KCNQ3: variants seen among roughly 807,000 people sequenced by gnomAD.
KCNQ3 encodes potassium voltage-gated channel subfamily KQT member 3.
A neutral mutation model predicts 92.5 loss-of-function variants in KCNQ3; 30 were observed. The observed-to-expected ratio is 0.32, with a 90% confidence interval of 0.24 to 0.44. KCNQ3 has a LOEUF of 0.44. Among genes scored for constraint, KCNQ3 ranks in the 20% least tolerant of loss-of-function variants. The pLI is 1.00. For missense variants in KCNQ3, 913 were observed against 1,140.3 expected (o/e 0.80, Z 2.87); for synonymous variants, 450 against 468.8 (o/e 0.96, Z 0.52).
intron 1 of KCNQ3, among the ~76,000 whole-genome samples, chr8:132,331,898 C>T (rs1818242433): frequency 6.6e-6 from 1 of 152,148 alleles, no homozygotes; most frequent in South Asian, 2.1e-4. Flanking sequence ...AGATCTGAGT[C>T]ATCAGGGCAT....
chr8:132,141,001 G>C (rs1169461180), intron 10 of KCNQ3, 128 bp downstream of exon 10: 1 of 848,560 alleles, frequency 1.2e-6, no homozygotes, highest in Non-Finnish European at 2.0e-6. Context: ...TTGGCTTGTC[G>C]AGGGAAGGGA....
chr8:132,362,708 G>A (rs181463061), intron 1 of KCNQ3, among the ~76,000 whole-genome samples: 23 of 152,276 alleles, frequency 1.5e-4, no homozygotes, highest in African/African-American at 5.3e-4. Context: ...AGGCAAACAG[G>A]GGGAAGCATG....
intron 12 of KCNQ3, 113 bp from the exon 13 acceptor site, chr8:132,134,501 AGAGGAGAGGAGAGGAGAAGT>A (rs1375781894): frequency 1.4e-6 from 1 of 724,170 alleles, no homozygotes. Context: ...ATATAAGAGG[AGAGGAGAGGAGAGGAGAAGT>A]GAGGAGAGGA....
chr8:132,304,400 C>T (rs1817352885), intron 1 of KCNQ3, among the ~76,000 whole-genome samples: 1 of 152,134 alleles, frequency 6.6e-6, no homozygotes, highest in Admixed American at 6.5e-5. Context: ...GTTCTGGCTC[C>T]ACCAATAATA....
chr8:132,182,227 T>C (rs952862747), intron 3 of KCNQ3, among the ~76,000 whole-genome samples: 1 of 152,184 alleles, frequency 6.6e-6, no homozygotes, highest in Non-Finnish European at 1.5e-5. Flanking sequence ...AACCTATCTA[T>C]CTGTAATGCT....
At position 132,124,118 on chromosome 8, in the gene KCNQ3, A is replaced by G. The variant is rs1428067897; in HGVS notation, c.*5144T>C. 1 of 152,184 alleles carries G rather than the reference A, an allele frequency of 6.6e-6. No individual in the cohort carries two copies. The highest frequency in any genetic ancestry group is 2.4e-5 in the African/African-American group (1 of 41,434). The allele number at this position is 152,184 out of a possible 1,614,324, so 9.4% of individuals were successfully genotyped here. ...CACAACTCAGCCACTGAGATCCAAC[A>G]TTCCTGCCTCTCTTCATTCCAAGAT... On this transcript the variant is annotated 3_prime_UTR_variant, in exon 15 of 15. Coordinates refer to ENST00000388996, the MANE Select transcript of KCNQ3 (RefSeq NM_004519.4).
chr8:132,153,750 CA>C (rs1825707758), intron 9 of KCNQ3, among the ~76,000 whole-genome samples: 1 of 151,618 alleles, frequency 6.6e-6, no homozygotes, highest in Non-Finnish European at 1.5e-5. Context: ...CCCCCATTAA[CA>C]TGGGTGAAAG....
intron 1 of KCNQ3, among the ~76,000 whole-genome samples, chr8:132,321,921 C>G (rs1251117522): frequency 6.6e-6 from 1 of 152,212 alleles, no homozygotes; most frequent in Non-Finnish European, 1.5e-5. Flanking sequence ...TTACTGTTCA[C>G]AGTCCCCCCT....
chr8:132,322,823 C>A (rs1420806453), intron 1 of KCNQ3, among the ~76,000 whole-genome samples: 1 of 152,190 alleles, frequency 6.6e-6, no homozygotes, highest in Non-Finnish European at 1.5e-5. Context: ...GAAAAACAAT[C>A]AAGTCATGAA....
rs1017985547 is a variant in KCNQ3, at chr8:132,121,073, G to C, written c.*8189C>G. On this transcript the variant is annotated 3_prime_UTR_variant, in exon 15 of 15. Transcript: ENST00000388996. ...AGCACTAAAGGCCACTTGTGGAATA[G>C]TTGTGTTCCCCTGTAAGCCAGAATG... is the stretch of plus-strand genomic sequence containing the variant. 10 of 152,172 alleles carry C rather than the reference G, an allele frequency of 6.6e-5. No homozygotes were observed. Among genetic ancestry groups the C allele is most frequent in the African/African-American group, 2.4e-4 (10 of 41,440 alleles). 9.4% of individuals were successfully genotyped at this position (152,172 alleles called of 1,614,324 possible). A position where few individuals can be genotyped will look rare whatever the true frequency, so the allele number is the denominator to read the frequency against.
At chr8:132,134,202 C>T (rs1824984590) in intron 13 of KCNQ3, 88 bp downstream of exon 13, 2 of 955,428 alleles carry the variant, frequency 2.1e-6, no homozygotes, top group Non-Finnish European at 3.4e-6. Context: ...ACTTCACCCA[C>T]ATAAAGGACC....
intron 1 of KCNQ3, among the ~76,000 whole-genome samples, chr8:132,351,368 T>A (rs1424399112): frequency 1.3e-5 from 2 of 152,076 alleles, no homozygotes; most frequent in African/African-American, 2.4e-5. Flanking sequence ...AAAAACTACA[T>A]CCCTGGGGAT....
At chr8:132,220,167 A>G (rs1038952675) in intron 1 of KCNQ3, among the ~76,000 whole-genome samples, 1 of 152,136 alleles carries the variant, frequency 6.6e-6, no homozygotes, top group African/African-American at 2.4e-5. Flanking sequence ...TACCCCCTGC[A>G]ATTCCAAGAA....
intron 9 of KCNQ3, among the ~76,000 whole-genome samples, chr8:132,151,682 C>A (rs1825639891): frequency 6.6e-6 from 1 of 152,152 alleles, no homozygotes; most frequent in Non-Finnish European, 1.5e-5. Flanking sequence ...GTATGTAATT[C>A]TATTTCATAA....
chr8:132,251,204 A>C (rs1238340138), intron 1 of KCNQ3, among the ~76,000 whole-genome samples: 1 of 152,072 alleles, frequency 6.6e-6, no homozygotes, highest in African/African-American at 2.4e-5. Context: ...GAGGTGGAGG[A>C]GGCAGTGAGC....
rs769869212 is a variant in KCNQ3 at position 132,299,366 on chromosome 8, G to T, written c.387-113185C>A. On this transcript the variant is annotated intron_variant, in intron 1 of 14. Transcript: ENST00000388996. ...TGGATTACACACTCTCCTACATTTG[G>T]CTTTCTTCACTTAAAAACCTAATGT... Among the ~76,000 whole-genome samples, 66 of 151,914 alleles carry T rather than the reference G, an allele frequency of 4.3e-4. 1 individual carries two copies. The highest frequency in any genetic ancestry group is 1.3e-3 in the Admixed American group (20 of 15,248).
intron 1 of KCNQ3, among the ~76,000 whole-genome samples, chr8:132,404,951 G>C (rs1016111602): frequency 1.3e-5 from 2 of 152,180 alleles, no homozygotes; most frequent in Non-Finnish European, 2.9e-5. Context: ...AGACTCCCAA[G>C]TGACCCACCT....
intron 1 of KCNQ3, among the ~76,000 whole-genome samples, chr8:132,259,384 T>C (rs1815697867): frequency 6.6e-6 from 1 of 152,042 alleles, no homozygotes; most frequent in African/African-American, 2.4e-5. Context: ...GTTAATAGAA[T>C]AAGAAACATA....
At chr8:132,359,186 G>A (rs1350384) in intron 1 of KCNQ3, among the ~76,000 whole-genome samples, 22,195 of 152,122 alleles carry the variant, frequency 0.15, 2,199 homozygotes, top group African/African-American at 0.27. Context: ...CGGTAGTGGG[G>A]TACCCAACCA....
Sources: allele counts gnomAD v4.1 joint callset (sites outside exome capture counted in the v4.1 genomes callset), GRCh38; gene constraint gnomAD v4.1.1; transcripts MANE v1.5; gene names NCBI Gene and HGNC (gene_info 2026-07-23, HGNC 2026-07-21).